The following RAB28 variants were observed in gnomAD, a reference collection of about 807,000 sequenced individuals.
The protein encoded by RAB28 is ras-related protein Rab-28.
RAB28 carries 24 observed loss-of-function variants against 31.7 expected under a neutral mutation model. The observed-to-expected ratio is 0.76, with a 90% confidence interval of 0.55 to 1.06. The LOEUF (loss-of-function observed/expected upper bound fraction) is 1.06, where lower values mean the gene tolerates loss of function less well. Ranked by LOEUF, RAB28 falls within the 50% of genes least tolerant of loss-of-function variation. The pLI is 0.00. For synonymous variants in RAB28, 100 were observed against 90.4 expected, an observed-to-expected ratio of 1.11 and a Z score of -0.60; for missense variants, 254 against 258.5, an observed-to-expected ratio of 0.98 and a Z score of 0.12.
At chr4:13,392,004 G>A (rs913021770) in intron 4 of RAB28, among the ~76,000 whole-genome samples, 25 of 151,888 alleles carry the variant, frequency 1.6e-4, no homozygotes, top group African/African-American at 6.0e-4. Flanking sequence ...GAACGTATTA[G>A]GTATACATTT....
intron 4 of RAB28, among the ~76,000 whole-genome samples, chr4:13,382,628 AT>A (rs373327443): frequency 6.6e-6 from 1 of 150,510 alleles, no homozygotes; most frequent in South Asian, 2.1e-4. Flanking sequence ...TCTCTAGGAG[AT>A]TTTTTTTAAT....
intron 4 of RAB28, chr4:13,459,648 C>G: frequency 1.6e-6 from 1 of 625,284 alleles, no homozygotes; most frequent in Non-Finnish European, 2.0e-6. Context: ...TAATTTTTAC[C>G]AAGAACCACT....
chr4:13,414,710 T>C (rs1285448441), intron 4 of RAB28, among the ~76,000 whole-genome samples: 2 of 152,236 alleles, frequency 1.3e-5, no homozygotes, highest in African/African-American at 4.8e-5. Flanking sequence ...AAATTGTATC[T>C]AGCAGTATAT....
intron 2 of RAB28, among the ~76,000 whole-genome samples, chr4:13,478,181 A>C (rs1716451461): frequency 6.6e-6 from 1 of 151,670 alleles, no homozygotes; most frequent in South Asian, 2.1e-4. Flanking sequence ...TGAATGCAGC[A>C]TAGATTATCC....
chr4:13,376,309 C>T (rs1237132202), intron 6 of RAB28, among the ~76,000 whole-genome samples: 1 of 152,064 alleles, frequency 6.6e-6, no homozygotes, highest in Non-Finnish European at 1.5e-5. Flanking sequence ...TTTTCTTATA[C>T]TAGTATCTTT....
chr4:13,403,534 T>C (rs1577178526), intron 4 of RAB28, among the ~76,000 whole-genome samples: 1 of 152,330 alleles, frequency 6.6e-6, no homozygotes, highest in African/African-American at 2.4e-5. Context: ...CTTCAGCAGT[T>C]TTATTCGTTC....
chr4:13,393,503 C>A (rs1283031228), intron 4 of RAB28, among the ~76,000 whole-genome samples: 1 of 152,174 alleles, frequency 6.6e-6, no homozygotes, highest in Non-Finnish European at 1.5e-5. Flanking sequence ...GGAATTCTTG[C>A]AGGTGACATA....
chr4:13,418,968 G>C (rs1270061403), intron 4 of RAB28, among the ~76,000 whole-genome samples: 1 of 152,066 alleles, frequency 6.6e-6, no homozygotes, highest in African/African-American at 2.4e-5. Flanking sequence ...AAATTGGATA[G>C]AGTCAAGACC....
chr4:13,404,327 G>A (rs565009796), intron 4 of RAB28, among the ~76,000 whole-genome samples: 1 of 151,460 alleles, frequency 6.6e-6, no homozygotes, highest in South Asian at 2.1e-4. Context: ...GCAGTGAGCC[G>A]AGATCACACC....
intron 3 of RAB28, among the ~76,000 whole-genome samples, chr4:13,469,113 G>A (rs188219230): frequency 1.3e-5 from 2 of 151,878 alleles, no homozygotes; most frequent in South Asian, 2.1e-4. Flanking sequence ...TTCTGACCAC[G>A]TCAATCAACC....
At chr4:13,381,677 T>A in intron 4 of RAB28, 83 bp from the exon 5 acceptor site, 1 of 950,262 alleles carries the variant, frequency 1.1e-6, no homozygotes, top group Non-Finnish European at 1.6e-6. Flanking sequence ...TGACTTGCTT[T>A]CCAATATTAT....
intron 4 of RAB28, among the ~76,000 whole-genome samples, chr4:13,405,520 T>C (rs1219220890): frequency 6.6e-6 from 1 of 152,172 alleles, no homozygotes; most frequent in Non-Finnish European, 1.5e-5. Context: ...CATAGACTCC[T>C]TTCACTGACT....
At chr4:13,387,183 C>A (rs1184374432) in intron 4 of RAB28, among the ~76,000 whole-genome samples, 2 of 151,970 alleles carry the variant, frequency 1.3e-5, no homozygotes, top group Non-Finnish European at 2.9e-5. Context: ...ATCTGTACAA[C>A]AAACTCTCAT....
At chr4:13,429,962 T>C (rs1407181566) in intron 4 of RAB28, among the ~76,000 whole-genome samples, 1 of 152,168 alleles carries the variant, frequency 6.6e-6, no homozygotes, top group Non-Finnish European at 1.5e-5. Flanking sequence ...ATCAAGACAG[T>C]GTTATACTGG....
chr4:13,398,822 T>C (rs993502359), intron 4 of RAB28, among the ~76,000 whole-genome samples: 7 of 151,848 alleles, frequency 4.6e-5, no homozygotes, highest in African/African-American at 1.7e-4. Flanking sequence ...AATTATATTA[T>C]GGTTATTTAA....
intron 4 of RAB28, among the ~76,000 whole-genome samples, chr4:13,426,614 A>G (rs754588034): frequency 9.2e-5 from 14 of 152,118 alleles, no homozygotes; most frequent in Non-Finnish European, 1.5e-4. Flanking sequence ...TACCTTGAAA[A>G]CTATCAGGCC....
chr4:13,426,903 A>G (rs913075354), intron 4 of RAB28, among the ~76,000 whole-genome samples: 19 of 152,230 alleles, frequency 1.2e-4, no homozygotes, highest in African/African-American at 4.6e-4. Context: ...TTCAGAGGAT[A>G]TAACATGTAC....
At chr4:13,471,365 T>C (rs1280046607) in intron 3 of RAB28, among the ~76,000 whole-genome samples, 2 of 152,076 alleles carry the variant, frequency 1.3e-5, no homozygotes, top group African/African-American at 4.8e-5. Context: ...AAATAATGAG[T>C]CACAGCTTCT....
At chr4:13,411,101 G>A (rs1712417232) in intron 4 of RAB28, among the ~76,000 whole-genome samples, 3 of 151,496 alleles carry the variant, frequency 2.0e-5, no homozygotes, top group East Asian at 1.9e-4. Flanking sequence ...TCAATGAGAG[G>A]GAAAAATACA....
Sources: allele counts gnomAD v4.1 joint callset (sites outside exome capture counted in the v4.1 genomes callset), GRCh38; gene constraint gnomAD v4.1.1; transcripts MANE v1.5; gene names NCBI Gene and HGNC (gene_info 2026-07-23, HGNC 2026-07-21).